FMNL2: variants seen among roughly 807,000 people sequenced by gnomAD.
The protein encoded by FMNL2 is formin like 2.
Under a neutral mutation model 130.2 loss-of-function variants are expected in FMNL2, and 51 were observed. The ratio of observed to expected loss-of-function variants is 0.39; its 90% CI spans 0.31 to 0.49. The LOEUF is 0.49. FMNL2 is among the 20% of genes least tolerant of loss of function. FMNL2 has a pLI of 0.85. For missense variants in FMNL2, 977 were observed against 1,316.2 expected, an observed-to-expected ratio of 0.74 and a Z score of 3.99; for synonymous variants, 465 against 467.1, an observed-to-expected ratio of 1.00 and a Z score of 0.06.
intron 1 of FMNL2, among the ~76,000 whole-genome samples, chr2:152,456,936 CAAAA>C (rs59672196): frequency 1.2e-4 from 12 of 96,684 alleles, no homozygotes; most frequent in African/African-American, 3.6e-4. Context: ...GACTCCCTTT[CAAAA>C]AAAAAAAAAA....
intron 1 of FMNL2, among the ~76,000 whole-genome samples, chr2:152,505,220 A>C (rs1157800630): frequency 2.0e-5 from 3 of 152,090 alleles, no homozygotes; most frequent in Non-Finnish European, 4.4e-5. Flanking sequence ...CCATTTTTAG[A>C]GAAAGGAATA....
chr2:152,647,742 A>C, intron 25 of FMNL2, 54 bp from the exon 26 acceptor site: 5 of 1,562,184 alleles, frequency 3.2e-6, no homozygotes, highest in Non-Finnish European at 4.4e-6. Flanking sequence ...TGTCCTGCTT[A>C]GACACATGCT....
At chr2:152,577,693 G>A (rs751437919) in intron 7 of FMNL2, among the ~76,000 whole-genome samples, 1 of 152,184 alleles carries the variant, frequency 6.6e-6, no homozygotes, top group Non-Finnish European at 1.5e-5. Context: ...GTTAGATGCT[G>A]CTAAGTCAAG....
At chr2:152,485,790 G>A (rs1403182399) in intron 1 of FMNL2, among the ~76,000 whole-genome samples, 1 of 152,194 alleles carries the variant, frequency 6.6e-6, no homozygotes, top group Non-Finnish European at 1.5e-5. Flanking sequence ...CCTAGCAATT[G>A]TAGCAGAATA....
rs117820789 is a variant in FMNL2 at position 152,447,613 on chromosome 2, T to G, written c.118-74330T>G. Among the ~76,000 whole-genome samples the G allele has an allele frequency of 1.9e-3, 293 of 152,332 alleles. 5 individuals are homozygous for G. The highest frequency in any genetic ancestry group is 0.013 in the Admixed American group (200 of 15,288). ...AATTTGTTACCATCTTTTTCCACTT[T>G]GAAATGTCTCTTTAAATGCATTTTC... is the stretch of plus-strand genomic sequence containing the variant. On this transcript the variant is annotated intron_variant, in intron 1 of 25. Coordinates refer to ENST00000288670, the MANE Select transcript of FMNL2 (RefSeq NM_052905.4).
chr2:152,454,242 A>C (rs1312200350), intron 1 of FMNL2, among the ~76,000 whole-genome samples: 1 of 152,210 alleles, frequency 6.6e-6, no homozygotes, highest in Admixed American at 6.5e-5. Context: ...ATACCACTGC[A>C]TTCCAGCCTG....
Position 152,633,099 on chromosome 2 carries a change from C to CTT in FMNL2, c.2680+976_2680+977dup, listed in dbSNP as rs767574977. On this transcript the variant is annotated intron_variant, in intron 21 of 25. Coordinates refer to ENST00000288670, the MANE Select transcript of FMNL2 (RefSeq NM_052905.4). ...CATGTCCATTGCAATCTGTGCTCTT[C>CTT]TTTTTTTTTTTTTTTAGACAGGGTC... is the stretch of plus-strand genomic sequence containing the variant. Among the ~76,000 whole-genome samples the CTT allele has an allele frequency of 4.9e-3, 685 of 140,798 alleles. 2 individuals are homozygous for CTT. Among genetic ancestry groups the CTT allele is most frequent in the African/African-American group, 0.017 (655 of 38,518 alleles). 92.4% of individuals were successfully genotyped at this position (140,798 alleles called of 152,430 possible).
intron 1 of FMNL2, among the ~76,000 whole-genome samples, chr2:152,440,494 C>T (rs1259428970): frequency 6.6e-6 from 1 of 152,182 alleles, no homozygotes; most frequent in Non-Finnish European, 1.5e-5. Context: ...TGTTTAGGGT[C>T]AGGAATTCTT....
At chr2:152,622,812 G>GTT (rs34011004) in intron 15 of FMNL2, among the ~76,000 whole-genome samples, 18 of 136,888 alleles carry the variant, frequency 1.3e-4, no homozygotes, top group African/African-American at 3.5e-4. Context: ...CTGAGAAAAG[G>GTT]TTTTTTTTTT....
In FMNL2 at chr2:152,340,569, G is replaced by C. The variant is rs534171702; in HGVS notation, c.117+4849G>C. ...CAGTTTTTCTTTTCAAGGCAGATTT[G>C]AAATACCTTGGCTGAAAAGTTTGTT... On this transcript the variant is annotated intron_variant, in intron 1 of 25. Coordinates refer to ENST00000288670, the MANE Select transcript of FMNL2 (RefSeq NM_052905.4). Among the ~76,000 whole-genome samples the C allele has an allele frequency of 5.3e-5, 8 of 152,336 alleles. No individual in the cohort carries two copies. The East Asian group carries it at 1.5e-3, about 29-fold the overall frequency.
intron 1 of FMNL2, among the ~76,000 whole-genome samples, chr2:152,441,239 T>G (rs1688031131): frequency 6.6e-6 from 1 of 152,194 alleles, no homozygotes; most frequent in Admixed American, 6.5e-5. Flanking sequence ...TTTTTGAGTT[T>G]TATGATGTAG....
chr2:152,404,058 C>T (rs948504448), intron 1 of FMNL2, among the ~76,000 whole-genome samples: 4 of 152,214 alleles, frequency 2.6e-5, no homozygotes, highest in Non-Finnish European at 5.9e-5. Context: ...CAGAGCGAGA[C>T]TCCGTCTCAA....
intron 1 of FMNL2, among the ~76,000 whole-genome samples, chr2:152,507,537 G>T (rs1692241147): frequency 6.6e-6 from 1 of 152,160 alleles, no homozygotes; most frequent in African/African-American, 2.4e-5. Context: ...AATCCGCTTG[G>T]AGTAGATACT....
rs369060208 is a variant in FMNL2, at chr2:152,526,236, T to G, written c.201+4210T>G. 8.7e-4 allele frequency among the ~76,000 whole-genome samples: 133 copies of G among 152,272 alleles called. No individual in the cohort carries two copies. The East Asian group carries it at 0.016, about 18-fold the overall frequency. ...TCCTTGGAGCACCAGGGGTGCTAAA[T>G]GAGTAGTGACAGTGGTGGCATTTTT... On this transcript the variant is annotated intron_variant, in intron 2 of 25. Transcript: ENST00000288670.
intron 1 of FMNL2, among the ~76,000 whole-genome samples, chr2:152,459,953 C>G (rs1337343894): frequency 6.6e-6 from 1 of 152,092 alleles, no homozygotes; most frequent in Non-Finnish European, 1.5e-5. Flanking sequence ...TCCCTAGTCA[C>G]CAAATAAACA....
intron 1 of FMNL2, among the ~76,000 whole-genome samples, chr2:152,498,333 A>T (rs1691631107): frequency 6.6e-6 from 1 of 152,184 alleles, no homozygotes; most frequent in Admixed American, 6.5e-5. Context: ...TCTCCATGAG[A>T]TGTAGAGTTT....
At chr2:152,339,508 A>T (rs1681677496) in intron 1 of FMNL2, among the ~76,000 whole-genome samples, 1 of 152,212 alleles carries the variant, frequency 6.6e-6, no homozygotes, top group Non-Finnish European at 1.5e-5. Context: ...ACACCCTTGG[A>T]TGCCTTTGTT....
At chr2:152,461,964 C>T (rs986940673) in intron 1 of FMNL2, among the ~76,000 whole-genome samples, 1 of 151,956 alleles carries the variant, frequency 6.6e-6, no homozygotes, top group Non-Finnish European at 1.5e-5. Context: ...TGTGCAATCA[C>T]TGCTCACTGC....
At chr2:152,590,980 C>CTTTTTTTTTTTTTT (rs1158391663) in intron 9 of FMNL2, among the ~76,000 whole-genome samples, 31 of 65,788 alleles carry the variant, frequency 4.7e-4, no homozygotes, top group Non-Finnish European at 6.7e-4. Flanking sequence ...CCTCTGATAA[C>CTTTTTTTTTTTTTT]TTTTTTTTTT....
Sources: gnomAD v4.1 joint callset for allele counts (sites outside exome capture counted in the v4.1 genomes callset) on GRCh38, gnomAD v4.1.1 for gene constraint, MANE v1.5 for transcripts, NCBI Gene and HGNC (gene_info 2026-07-23, HGNC 2026-07-21) for gene names.